The following DNHD1 variants were observed in gnomAD, a reference collection of about 807,000 sequenced individuals.
DNHD1 encodes the protein dynein heavy chain domain 1.
In DNHD1, 383 loss-of-function variants were observed where a neutral mutation model predicts 458.1. The observed-to-expected ratio is 0.84, with a 90% confidence interval of 0.77 to 0.91. DNHD1 has a LOEUF of 0.91. DNHD1 is among the 40% of genes least tolerant of loss of function. The pLI is 0.00. For missense variants in DNHD1, 5,336 were observed against 5,866.1 expected (o/e 0.91, Z 2.95); for synonymous variants, 2,203 against 2,376.9 (o/e 0.93, Z 2.13).
At chr11:6,561,042 C>A (rs1853576348) in intron 28 of DNHD1, among the ~76,000 whole-genome samples, 1 of 152,064 alleles carries the variant, frequency 6.6e-6, no homozygotes, top group Non-Finnish European at 1.5e-5. Flanking sequence ...AGGGAGACTT[C>A]CCTAACCTTA....
chr11:6,528,356 C>T (rs545212794), intron 10 of DNHD1, among the ~76,000 whole-genome samples, 166 bp from the exon 11 acceptor site: 5 of 151,402 alleles, frequency 3.3e-5, no homozygotes, highest in South Asian at 4.2e-4. Flanking sequence ...TAGTATTTTA[C>T]GTTTGTGATA....
intron 12 of DNHD1, among the ~76,000 whole-genome samples, chr11:6,532,623 C>T (rs1852849200): frequency 6.6e-6 from 1 of 152,186 alleles, no homozygotes; most frequent in South Asian, 2.1e-4. Flanking sequence ...ACACATCCAA[C>T]TCCAGTGTTC....
At position 6,570,719 on chromosome 11, in the gene DNHD1, G is replaced by A. The variant is rs1853825531; in HGVS notation, c.13207G>A (p.Ala4403Thr). 4 of 1,611,112 alleles carry A rather than the reference G, an allele frequency of 2.5e-6. No homozygotes were observed. The South Asian group carries it at 3.3e-5, about 13-fold the overall frequency. Reference protein sequence around the residue: ...RLCGLSEGPQAWLLRRQSRAL... With the variant: ...RLCGLSEGPQTWLLRRQSRAL... ...CTGCGGACTGAGTGAGGGCCCCCAA[G>A]CCTGGCTGTTGCGACGCCAGAGTCG... Residue 4403 changes from alanine to threonine, a missense_variant, in exon 42 of 43, where the codon GCC becomes ACC. Ala to Thr is a moderately conservative substitution (Grantham distance 58). This residue lies in a region of DNHD1 where 698 missense variants were observed against 664.9 expected (regional missense o/e 1.05). Coordinates refer to ENST00000254579, the MANE Select transcript of DNHD1 (RefSeq NM_144666.3).
At chr11:6,503,277 G>C (rs1430052371) in intron 4 of DNHD1, 4 of 186,928 alleles carry the variant, frequency 2.1e-5, no homozygotes, top group Non-Finnish European at 4.4e-5. Flanking sequence ...AGAAACATGT[G>C]TTTGTTTAAA....
In DNHD1 at chr11:6,566,895, G is replaced by A; in HGVS notation, c.11386G>A (p.Glu3796Lys). 2.5e-6 allele frequency: 4 copies of A among 1,611,404 alleles called. No individual in the cohort carries two copies. Among genetic ancestry groups the A allele is most frequent in the Non-Finnish European group, 3.4e-6 (4 of 1,178,666 alleles). The change falls in exon 36 of 43, where the codon GAG (glutamate) becomes AAG (lysine). Residue 3796 changes from glutamate (E) to lysine (K), a missense_variant and splice_region_variant. This residue lies in a region of DNHD1 where 695 missense variants were observed against 804.2 expected (regional missense o/e 0.86). Coordinates refer to ENST00000254579, the MANE Select transcript of DNHD1 (RefSeq NM_144666.3). The part of the protein sequence containing the change: ...DTCKAVEAAE[E>K]RLLTMLLFQN... ...CCATCCAACAAATGAGTGTATGCAG[G>A]AGCGGCTGCTGACGATGCTGCTGTT...
rs199576849 is a variant in DNHD1 at position 6,570,655 on chromosome 11, C to T, written c.13143C>T (p.Ala4381=). The part of the protein sequence containing the change: ...RELDAMAECK[A]QMHLLPSPPE... ...TGGATGCAATGGCAGAGTGCAAGGC[C>T]CAGATGCACCTACTGCCCTCACCAC... is the stretch of plus-strand genomic sequence containing the variant. The change falls in exon 42 of 43, where the codon GCC becomes GCT. Residue 4381 remains alanine, a synonymous_variant. Coordinates refer to ENST00000254579, the MANE Select transcript of DNHD1 (RefSeq NM_144666.3). 1.2e-6 allele frequency: 2 copies of T among 1,611,950 alleles called. No individual in the cohort carries two copies. Among genetic ancestry groups the T allele is most frequent in the African/African-American group, 1.3e-5 (1 of 74,990 alleles).
intron 12 of DNHD1, among the ~76,000 whole-genome samples, chr11:6,530,353 TTC>T (rs1299303212): frequency 1.3e-5 from 2 of 152,144 alleles, no homozygotes; most frequent in African/African-American, 4.8e-5. Flanking sequence ...TTACCCTCTT[TTC>T]TTTCTTCCTT....
At chr11:6,551,669 A>G (rs148297019) in intron 24 of DNHD1, among the ~76,000 whole-genome samples, 128 of 152,310 alleles carry the variant, frequency 8.4e-4, no homozygotes, top group East Asian at 4.4e-3. Context: ...AGGGCCGGGC[A>G]CTGTGGCTCA....
rs1301571618 is a variant in DNHD1 at position 6,564,362 on chromosome 11, T to C, written c.10314T>C (p.Phe3438=). 10 of 1,547,488 alleles carry C rather than the reference T, an allele frequency of 6.5e-6. No individual in the cohort carries two copies. The highest frequency in any genetic ancestry group is 8.7e-6 in the Non-Finnish European group (10 of 1,143,850). Residue 3438 remains phenylalanine, a synonymous_variant, in exon 32 of 43, where the codon TTT becomes TTC. Transcript: ENST00000254579. ...QKLKGRCMTV[F]GDTLLCSAAI... ...TGAAGGGACGCTGCATGACTGTGTT[T>C]GGAGATACCCTCCTATGTTCAGCTG...
intron 18 of DNHD1, 84 bp downstream of exon 18, chr11:6,540,167 C>G: frequency 8.1e-7 from 1 of 1,235,990 alleles, no homozygotes; most frequent in Non-Finnish European, 1.1e-6. Context: ...CCTGCCAGAT[C>G]TGATTCTCTA....
intron 28 of DNHD1, among the ~76,000 whole-genome samples, chr11:6,562,212 A>C (rs2134452527): frequency 6.6e-6 from 1 of 152,318 alleles, no homozygotes; most frequent in East Asian, 1.9e-4. Flanking sequence ...AGATGGAGCC[A>C]AGGGTAACAA....
In DNHD1 at chr11:6,545,197, G is replaced by A. The variant is rs1479529495; in HGVS notation, c.4258G>A (p.Glu1420Lys). ...AAGCCCAAACACACAGACTCAGGTG[G>A]AGGCACTTGCAGTGCTAGGGGCAGG... ...ESSPNTQTQV[E>K]ALAVLGAGGE... Residue 1420 changes from glutamate to lysine, a missense_variant, in exon 21 of 43, where the codon GAG becomes AAG. Coordinates refer to ENST00000254579, the MANE Select transcript of DNHD1 (RefSeq NM_144666.3). This position sits in a 1 kb window ranked among gnomAD's most constrained non-coding sequence, Gnocchi z 4.9. 6.4e-7 allele frequency: 1 copy of A among 1,551,964 alleles called. No individual in the cohort carries two copies. The highest frequency in any genetic ancestry group is 1.2e-5 in the South Asian group (1 of 84,060).
chr11:6,571,691 T>C lies in DNHD1; in HGVS notation c.13967T>C (p.Leu4656Pro), dbSNP rs371014315. The part of the protein sequence containing the change: ...VPERGLLLIG[L>P]QVLHAEWDPI... ...GAGAGAGGGCTGCTGCTGATCGGGC[T>C]ACAGGTCCTACATGCGGAGTGGGAC... The change falls in exon 43 of 43, where the codon CTA becomes CCA. Residue 4656 changes from leucine to proline, a missense_variant. Coordinates refer to ENST00000254579, the MANE Select transcript of DNHD1 (RefSeq NM_144666.3). The surrounding 1 kb of genome is among the most constrained non-coding windows in gnomAD (Gnocchi z 5.0). 7.4e-6 allele frequency: 12 copies of C among 1,611,556 alleles called. No homozygotes were observed. Among genetic ancestry groups the C allele is most frequent in the Non-Finnish European group, 1.0e-5 (12 of 1,178,854 alleles).
chr11:6,512,796 T>C lies in DNHD1; in HGVS notation c.1392+1367T>C, dbSNP rs546531245. ...TGTAACCTCCACAAGGGTAGAGATC[T>C]TTGTTTTGTTCACTGATGTATCCCA... is the stretch of plus-strand genomic sequence containing the variant. On this transcript the variant is annotated intron_variant, in intron 7 of 42. Coordinates refer to ENST00000254579, the MANE Select transcript of DNHD1 (RefSeq NM_144666.3). Among the ~76,000 whole-genome samples, 3 of 152,248 alleles carry C rather than the reference T, an allele frequency of 2.0e-5. No homozygotes were observed. In the South Asian group the frequency reaches 6.2e-4, roughly 32 times the overall value.
At chr11:6,512,153 A>G (rs1215219028) in intron 7 of DNHD1, among the ~76,000 whole-genome samples, 1 of 151,894 alleles carries the variant, frequency 6.6e-6, no homozygotes, top group Non-Finnish European at 1.5e-5. Flanking sequence ...CACAAAGGAC[A>G]GAACTCTGAA....
intron 10 of DNHD1, among the ~76,000 whole-genome samples, chr11:6,525,110 G>A (rs1003488587): frequency 6.6e-6 from 1 of 152,130 alleles, no homozygotes; most frequent in Non-Finnish European, 1.5e-5. Context: ...ATAGTTGCAA[G>A]ACAAGCTGCA....
Position 6,534,046 on chromosome 11 carries a change from C to T in DNHD1, c.2871C>T (p.Ser957=), listed in dbSNP as rs769036305. 3.0e-5 allele frequency: 46 copies of T among 1,551,410 alleles called. 1 individual carries two copies. The highest frequency in any genetic ancestry group is 5.9e-5 in the South Asian group (5 of 84,048). ...AAGGCCTGCTTGCGAAGGCCCTCTCCGGTCCCTTTATGGACCCCACACAAG... is the reference window on the plus strand; with the variant it reads ...AAGGCCTGCTTGCGAAGGCCCTCTCTGGTCCCTTTATGGACCCCACACAAG... The part of the protein sequence containing the change: ...ELEGLLAKAL[S]GPFMDPTQDQ... The change falls in exon 14 of 43, where the codon TCC becomes TCT. Residue 957 remains serine, a synonymous_variant. Transcript: ENST00000254579.
In DNHD1 at chr11:6,538,518, C is replaced by T. The variant is rs768087477; in HGVS notation, c.3126+8C>T. 3 of 1,551,796 alleles carry T rather than the reference C, an allele frequency of 1.9e-6. No individual in the cohort carries two copies. The highest frequency in any genetic ancestry group is 1.7e-6 in the Non-Finnish European group (2 of 1,147,004). ...TGCATGGCTTTTGCCAAGGTGCTGACACCCTTCCTTGGAGCTCTTGACTGG... is the reference window on the plus strand; with the variant it reads ...TGCATGGCTTTTGCCAAGGTGCTGATACCCTTCCTTGGAGCTCTTGACTGG... On this transcript the variant is annotated splice_region_variant and intron_variant, in intron 15 of 42. Transcript: ENST00000254579.
At chr11:6,521,353 T>C (rs1353087065) in intron 10 of DNHD1, among the ~76,000 whole-genome samples, 5 of 152,224 alleles carry the variant, frequency 3.3e-5, no homozygotes, top group Non-Finnish European at 1.5e-5. Context: ...AAATATGCTG[T>C]AGTATTTTTT....
Sources: gnomAD v4.1 joint callset for allele counts (sites outside exome capture counted in the v4.1 genomes callset) on GRCh38, gnomAD v4.1.1 for gene constraint, gnomAD v4.1.1 regional missense constraint, Gnocchi (gnomAD v3.1) non-coding constraint, MANE v1.5 for transcripts, NCBI Gene and HGNC (gene_info 2026-07-23, HGNC 2026-07-21) for gene names.